The following NOS2 variants were observed in gnomAD, a reference collection of about 807,000 sequenced individuals.
The protein encoded by NOS2 is nitric oxide synthase 2.
In NOS2, 96 loss-of-function variants were observed where a neutral mutation model predicts 136.0. That is an observed-to-expected ratio of 0.71 (90% confidence interval 0.60 to 0.84). The LOEUF (loss-of-function observed/expected upper bound fraction) is 0.84. Ranked by LOEUF, NOS2 falls within the 40% of genes least tolerant of loss-of-function variation. The pLI is 0.00. For missense variants in NOS2, 1,237 were observed against 1,496.9 expected (o/e 0.83, Z 2.87); for synonymous variants, 539 against 587.5 (o/e 0.92, Z 1.20).
chr17:27,778,164 G>T (rs1908718648), intron 11 of NOS2, among the ~76,000 whole-genome samples: 1 of 152,178 alleles, frequency 6.6e-6, no homozygotes, highest in Non-Finnish European at 1.5e-5. Context: ...TGGCAGTGGG[G>T]TGAGGGCGTC....
In NOS2 at chr17:27,760,178, C is replaced by A; in HGVS notation, c.3011G>T (p.Gly1004Val). 1 of 1,559,854 alleles carries A rather than the reference C, an allele frequency of 6.4e-7. No individual in the cohort carries two copies. The highest frequency in any genetic ancestry group is 8.7e-7 in the Non-Finnish European group (1 of 1,154,894). The change falls in exon 25 of 27, where the codon GGA (glycine) becomes GTA (valine). Residue 1004 changes from glycine (G) to valine (V), a missense_variant and splice_region_variant. Physicochemically the swap from Gly to Val is moderately radical, Grantham distance 109 (BLOSUM62 -3). This residue lies in a region of NOS2 where 782 missense variants were observed against 909.9 expected (regional missense o/e 0.86). Transcript: ENST00000313735. ...QQRLHDSQHK[G>V]VRGGRMTLVF... ...CAAGGTCATGCGGCCTCCCCGCACT[C>A]CTGCAGGAGTCCCGGGCTGTTGTTA...
At chr17:27,767,537 C>T (rs1476750338) in intron 18 of NOS2, among the ~76,000 whole-genome samples, 168 bp downstream of exon 18, 1 of 152,232 alleles carries the variant, frequency 6.6e-6, no homozygotes. Context: ...GAAACAGCCT[C>T]CCTCAGCACC....
Position 27,780,883 on chromosome 17 carries a change from C to A in NOS2, c.888G>T (p.Lys296Asn), listed in dbSNP as rs772196778. The A allele has an allele frequency of 5.6e-6, 9 of 1,613,662 alleles. No individual in the cohort carries two copies. The South Asian group carries it at 8.8e-5, about 16-fold the overall frequency. Residue 296 changes from lysine to asparagine, a missense_variant, in exon 9 of 27, where the codon AAG becomes AAT. This residue lies in a region of NOS2 where 440 missense variants were observed against 545.4 expected (regional missense o/e 0.81). Coordinates refer to ENST00000313735, the MANE Select transcript of NOS2 (RefSeq NM_000625.4). The stretch of plus-strand genomic sequence containing the variant: ...CCACATCGAAGCGGCCGTACTTGGG[C>A]TTCCAGCCCAGGTCGATGCACAGCT... Reference protein sequence around the residue: ...FTQLCIDLGWKPKYGRFDVVP... With the variant: ...FTQLCIDLGWNPKYGRFDVVP...
At chr17:27,798,949 G>A in intron 1 of NOS2, 67 bp from the exon 2 acceptor site, 1 of 633,834 alleles carries the variant, frequency 1.6e-6, no homozygotes, top group Non-Finnish European at 2.8e-6. Flanking sequence ...TTCTCAGTGG[G>A]GTTGGCTCAC....
At chr17:27,788,137 A>G (rs946279008) in intron 4 of NOS2, among the ~76,000 whole-genome samples, 2 of 152,010 alleles carry the variant, frequency 1.3e-5, no homozygotes, top group African/African-American at 4.8e-5. Flanking sequence ...TCCTATGGGA[A>G]CATGATATTG....
chr17:27,769,200 GGCACCCA>G (rs759091643), intron 16 of NOS2, 49 bp from the exon 17 acceptor site: 39 of 1,538,446 alleles, frequency 2.5e-5, no homozygotes, highest in East Asian at 1.1e-4. Flanking sequence ...AGCAGCACCT[GGCACCCA>G]GCACCCAGCA....
In NOS2 at chr17:27,781,035, C is replaced by T; in HGVS notation, c.864+1G>A. On this transcript the variant is annotated splice_donor_variant, in intron 8 of 26. Transcript: ENST00000313735. LOFTEE classifies it high-confidence loss of function. ...CCGGTGGCTGAGGCTGGGCCGGGTA[C>T]CTGAGTGAATTCCACGTTGGCAGGG... The T allele has an allele frequency of 6.2e-7, 1 of 1,612,956 alleles. No individual in the cohort carries two copies. The highest frequency in any genetic ancestry group is 8.5e-7 in the Non-Finnish European group (1 of 1,179,452).
At chr17:27,800,203 G>A (rs1325724682) in intron 1 of NOS2, 136 bp downstream of exon 1, 5 of 152,218 alleles carry the variant, frequency 3.3e-5, no homozygotes, top group African/African-American at 7.2e-5. Context: ...ACCTCATGTC[G>A]GCATTTTTTT....
rs1909436578 is a variant in NOS2 at position 27,798,729 on chromosome 17, A to G, written c.81T>C (p.Asn27=). ...AGGTGGCACAGGGGGCTTTCTCCAC[A>G]TTGTTGTTGATGTCTTTTTCCCCAT... is the stretch of plus-strand genomic sequence containing the variant. ...AMNGEKDINN[N]VEKAPCATSS... The change falls in exon 2 of 27, where the codon AAT becomes AAC. Residue 27 remains asparagine (N), a synonymous_variant. Transcript: ENST00000313735. The G allele has an allele frequency of 6.2e-7, 1 of 1,613,734 alleles. No homozygotes were observed. Among genetic ancestry groups the G allele is most frequent in the Admixed American group, 1.7e-5 (1 of 60,004 alleles).
In NOS2 at chr17:27,757,301, G is replaced by T; in HGVS notation, c.3407C>A (p.Ala1136Glu). ...CTGCACCGCCACCCTGTCCTTCTTCGCCTCGTAAGGAAATACAGCACCAAA... is the reference window on the plus strand; with the variant it reads ...CTGCACCGCCACCCTGTCCTTCTTCTCCTCGTAAGGAAATACAGCACCAAA... ...DIFGAVFPYE[A>E]KKDRVAVQPS... Residue 1136 changes from alanine to glutamate, a missense_variant, in exon 27 of 27, where the codon GCG becomes GAG. Physicochemically the swap from Ala to Glu is moderately radical, Grantham distance 107 (BLOSUM62 -1). Coordinates refer to ENST00000313735, the MANE Select transcript of NOS2 (RefSeq NM_000625.4). 3 of 1,614,074 alleles carry T rather than the reference G, an allele frequency of 1.9e-6. No homozygotes were observed. Among genetic ancestry groups the T allele is most frequent in the Non-Finnish European group, 2.5e-6 (3 of 1,180,008 alleles).
At chr17:27,772,162 A>C (rs1908516418) in intron 14 of NOS2, 146 bp downstream of exon 14, 1 of 888,890 alleles carries the variant, frequency 1.1e-6, no homozygotes, top group Non-Finnish European at 1.7e-6. Flanking sequence ...CCTGCACACA[A>C]GTCTTTCCTT....
chr17:27,774,911 T>G (rs1908614273), intron 11 of NOS2, among the ~76,000 whole-genome samples: 1 of 152,058 alleles, frequency 6.6e-6, no homozygotes, highest in East Asian at 1.9e-4. Flanking sequence ...GACCCCTCCG[T>G]GGGGAGGTCT....
At chr17:27,793,705 C>T (rs1909265800) in intron 2 of NOS2, 1 of 394,690 alleles carries the variant, frequency 2.5e-6, no homozygotes, top group East Asian at 3.6e-5. Context: ...GGCCCGGCTC[C>T]TTAGGCGCAG....
At chr17:27,789,034 G>A (rs1909110107) in intron 3 of NOS2, 103 bp from the exon 4 acceptor site, 4 of 1,454,618 alleles carry the variant, frequency 2.7e-6, no homozygotes, top group Non-Finnish European at 2.8e-6. Context: ...ACACAGGGCA[G>A]GGTGTCCCTC....
chr17:27,787,940 C>A lies in NOS2; in HGVS notation c.319-114G>T, dbSNP rs897623603. ...TCTCTGGCTGCTCCGGCTCCCTGCA[C>A]CTCTTCTCCACCCCTGTGGCACCTC... On this transcript the variant is annotated intron_variant, in intron 4 of 26. Coordinates refer to ENST00000313735, the MANE Select transcript of NOS2 (RefSeq NM_000625.4). 4.5e-6 allele frequency: 5 copies of A among 1,122,090 alleles called. No individual in the cohort carries two copies. The South Asian group carries it at 6.5e-5, about 15-fold the overall frequency. 69.5% of individuals were successfully genotyped at this position (1,122,090 alleles called of 1,614,324 possible). A position where few individuals can be genotyped will look rare whatever the true frequency, so the allele number is the denominator to read the frequency against.
chr17:27,774,489 TG>T, intron 11 of NOS2, 38 bp from the exon 12 acceptor site: 1 of 1,397,036 alleles, frequency 7.2e-7, no homozygotes. Context: ...GAGATAAGGG[TG>T]GGGGAATCAG....
intron 25 of NOS2, 77 bp from the exon 26 acceptor site, chr17:27,759,152 G>A (rs1338808415): frequency 1.8e-6 from 2 of 1,088,720 alleles, no homozygotes; most frequent in Non-Finnish European, 2.6e-6. Flanking sequence ...CTGGCCTCAA[G>A]GAGGCGGGGA....
At chr17:27,757,865 C>T (rs1907977349) in intron 26 of NOS2, among the ~76,000 whole-genome samples, 2 of 152,184 alleles carry the variant, frequency 1.3e-5, no homozygotes, top group South Asian at 2.1e-4. Context: ...TCTTCAAACA[C>T]GCCAGCTTAA....
intron 9 of NOS2, among the ~76,000 whole-genome samples, chr17:27,780,347 G>T (rs927275287): frequency 2.0e-5 from 3 of 152,238 alleles, no homozygotes; most frequent in African/African-American, 7.2e-5. Context: ...GAACTGCCTA[G>T]AGCAGGGGCT....
Sources: allele counts gnomAD v4.1 joint callset (sites outside exome capture counted in the v4.1 genomes callset), GRCh38; gene constraint gnomAD v4.1.1; regional missense constraint gnomAD v4.1.1; transcripts MANE v1.5; gene names NCBI Gene and HGNC (gene_info 2026-07-23, HGNC 2026-07-21).